The following GABRA3 variants were observed in gnomAD, a reference collection of about 807,000 sequenced individuals.
GABRA3 encodes the protein gamma-aminobutyric acid receptor subunit alpha-3.
A neutral mutation model predicts 30.1 loss-of-function variants in GABRA3; 10 were observed. The ratio of observed to expected loss-of-function variants is 0.33; its 90% confidence interval spans 0.20 to 0.56. The LOEUF is 0.56. GABRA3 is among the 20% of genes least tolerant of loss of function. GABRA3 has a pLI of 0.89. For synonymous variants in GABRA3, 151 were observed against 146.8 expected (o/e 1.03, Z -0.21); for missense variants, 233 against 392.0 (o/e 0.59, Z 3.42).
chrX:152,221,330 GTCTC>G (rs1426483869), intron 6 of GABRA3, among the ~76,000 whole-genome samples: 7 of 109,020 alleles, frequency 6.4e-5, no homozygotes, highest in Non-Finnish European at 1.1e-4. Context: ...CTCTCTCTCT[GTCTC>G]TCTCTCTCTC....
At chrX:152,346,071 G>T (rs1023897094) in intron 2 of GABRA3, among the ~76,000 whole-genome samples, 25 of 111,703 alleles carry the variant, frequency 2.2e-4, no homozygotes, top group African/African-American at 7.8e-4. Flanking sequence ...TCAAAATAAA[G>T]AAGGGAAATG....
At chrX:152,434,422 G>C in intron 1 of GABRA3, among the ~76,000 whole-genome samples, 1 of 110,639 alleles carries the variant, frequency 9.0e-6, no homozygotes, top group Non-Finnish European at 1.9e-5. Flanking sequence ...TTGTAATCAT[G>C]GAAGTTAATA....
rs768191797 is a variant in GABRA3 at position 152,227,608 on chromosome X, T to TA, written c.552-2764_552-2763insT. ...AATTAAATGGGTTACATTTTTTTTTTTAAAAAAAAAAGAACATTCCCATCA... is the reference window on the plus strand; with the variant it reads ...AATTAAATGGGTTACATTTTTTTTTTATAAAAAAAAAAGAACATTCCCATCA... On this transcript the variant is annotated intron_variant, in intron 5 of 9. Coordinates refer to ENST00000370314, the MANE Select transcript of GABRA3 (RefSeq NM_000808.4). 3.8e-3 allele frequency among the ~76,000 whole-genome samples: 386 copies of TA among 100,336 alleles called. 1 individual carries two copies. Among genetic ancestry groups the TA allele is most frequent in the South Asian group, 0.032 (67 of 2,105 alleles). 87.1% of individuals were successfully genotyped at this position (100,336 alleles called of 115,157 possible).
At chrX:152,245,095 A>G (rs1212894076) in intron 5 of GABRA3, among the ~76,000 whole-genome samples, 1 of 90,505 alleles carries the variant, frequency 1.1e-5, no homozygotes, top group Non-Finnish European at 2.2e-5. Context: ...GTGTTTAAGT[A>G]TAATGTAGGA....
chrX:152,185,157 G>A (rs746645552), intron 9 of GABRA3, among the ~76,000 whole-genome samples: 2 of 111,337 alleles, frequency 1.8e-5, no homozygotes, highest in Non-Finnish European at 3.8e-5. Flanking sequence ...CCCTTCCAAT[G>A]CACTTCAAAT....
chrX:152,274,172 A>G (rs911871438), intron 4 of GABRA3, among the ~76,000 whole-genome samples: 7 of 111,988 alleles, frequency 6.3e-5, no homozygotes, highest in East Asian at 2.8e-4. Flanking sequence ...GTATGTTTCA[A>G]TAACAGGTAC....
At chrX:152,258,956 C>A (rs1263963353) in intron 4 of GABRA3, among the ~76,000 whole-genome samples, 1 of 111,704 alleles carries the variant, frequency 9.0e-6, no homozygotes, top group Non-Finnish European at 1.9e-5. Flanking sequence ...CTACATATCA[C>A]TGAAAGAGTT....
intron 1 of GABRA3, among the ~76,000 whole-genome samples, chrX:152,378,824 T>A (rs763329889): frequency 3.2e-5 from 3 of 92,839 alleles, no homozygotes; most frequent in South Asian, 4.8e-4. Context: ...ATATATGTTA[T>A]GTAATTATTA....
chrX:152,314,133 G>A (rs371923459), intron 3 of GABRA3, among the ~76,000 whole-genome samples: 16 of 111,328 alleles, frequency 1.4e-4, no homozygotes, highest in Non-Finnish European at 2.6e-4. Context: ...TACATGACAC[G>A]TCGACCCACC....
At position 152,220,197 on chromosome X, in the gene GABRA3, C is replaced by T. The variant is rs981397875; in HGVS notation, c.634+4566G>A. Among the ~76,000 whole-genome samples, 7 of 111,354 alleles carry T rather than the reference C, an allele frequency of 6.3e-5. No individual in the cohort carries two copies. In the South Asian group the frequency reaches 2.2e-3, roughly 36 times the overall value. ...AATTCCAACTTCTTGTTCCTGAATC[C>T]CATTGCTTAATCTGTCAGGAATCTG... On this transcript the variant is annotated intron_variant, in intron 6 of 9. Transcript: ENST00000370314.
chrX:152,393,908 TA>T (rs756844749), intron 1 of GABRA3, among the ~76,000 whole-genome samples: 108 of 111,728 alleles, frequency 9.7e-4, no homozygotes, highest in African/African-American at 3.3e-3. Context: ...TATACTTATA[TA>T]ATGATGCTTT....
At chrX:152,410,671 CA>C (rs1930047538) in intron 1 of GABRA3, among the ~76,000 whole-genome samples, 1 of 110,623 alleles carries the variant, frequency 9.0e-6, no homozygotes, top group Non-Finnish European at 1.9e-5. Context: ...AACAAACTCA[CA>C]AAAAAGCAAT....
At chrX:152,299,531 G>A (rs759883679) in intron 3 of GABRA3, among the ~76,000 whole-genome samples, 1 of 111,809 alleles carries the variant, frequency 8.9e-6, no homozygotes, top group African/African-American at 3.3e-5. Context: ...TATCAGCAAT[G>A]TCATAACGGA....
intron 1 of GABRA3, among the ~76,000 whole-genome samples, chrX:152,385,843 A>T (rs2124510832): frequency 9.0e-6 from 1 of 111,480 alleles, no homozygotes; most frequent in East Asian, 2.8e-4. Context: ...CATTTATTAA[A>T]TAGGGAATCC....
intron 1 of GABRA3, among the ~76,000 whole-genome samples, chrX:152,386,390 C>A (rs1337674238): frequency 9.0e-6 from 1 of 110,897 alleles, no homozygotes; most frequent in Non-Finnish European, 1.9e-5. Context: ...ATTTTCACAA[C>A]CTACTCATCT....
intron 7 of GABRA3, among the ~76,000 whole-genome samples, chrX:152,198,467 A>G (rs1937417688): frequency 8.9e-6 from 1 of 112,506 alleles, no homozygotes; most frequent in African/African-American, 3.2e-5. Context: ...TGTTAACTTT[A>G]TATCCTCCTA....
chrX:152,381,507 T>A (rs1340994781), intron 1 of GABRA3, among the ~76,000 whole-genome samples: 1 of 111,792 alleles, frequency 8.9e-6, no homozygotes, highest in Non-Finnish European at 1.9e-5. Context: ...TTCACGGGGT[T>A]GTCTCTTCTT....
At chrX:152,324,928 A>G (rs970282514) in intron 3 of GABRA3, among the ~76,000 whole-genome samples, 10 of 112,084 alleles carry the variant, frequency 8.9e-5, no homozygotes, top group African/African-American at 2.9e-4. Context: ...AGGTAAGCCA[A>G]GTGGGCAATG....
chrX:152,178,682 T>A (rs1429117628), intron 9 of GABRA3, among the ~76,000 whole-genome samples: 1 of 112,032 alleles, frequency 8.9e-6, no homozygotes, highest in African/African-American at 3.2e-5. Context: ...AGATTTGTTT[T>A]TTCATTTAAA....
Sources: allele counts gnomAD v4.1 joint callset (sites outside exome capture counted in the v4.1 genomes callset), GRCh38; gene constraint gnomAD v4.1.1; transcripts MANE v1.5; gene names NCBI Gene and HGNC (gene_info 2026-07-23, HGNC 2026-07-21).